Variants in ADCK2 observed in about 807,000 individuals in gnomAD.
ADCK2 encodes the protein aarF domain containing kinase 2.
ADCK2 carries 37 observed loss-of-function variants against 52.3 expected under a neutral mutation model. The observed-to-expected ratio is 0.71, with a 90% CI of 0.54 to 0.93. ADCK2 has a LOEUF of 0.93. Ranked by LOEUF, ADCK2 falls within the 40% of genes least tolerant of loss-of-function variation. ADCK2 has a pLI of 0.00. For synonymous variants in ADCK2, 321 were observed against 349.2 expected (o/e 0.92, Z 0.90); for missense variants, 695 against 798.7 (o/e 0.87, Z 1.56).
intron 3 of ADCK2, among the ~76,000 whole-genome samples, chr7:140,679,901 T>C (rs1794487355): frequency 6.6e-6 from 1 of 151,852 alleles, no homozygotes; most frequent in South Asian, 2.1e-4. Flanking sequence ...CTGGAACTCC[T>C]GACCTCAAGT....
intron 4 of ADCK2, among the ~76,000 whole-genome samples, chr7:140,685,128 A>G (rs992241910): frequency 1.1e-4 from 16 of 152,140 alleles, no homozygotes; most frequent in Non-Finnish European, 1.6e-4. Flanking sequence ...AAGTGCATAG[A>G]TCTTAAATTA....
rs1585851623 is a variant in ADCK2, at chr7:140,687,083, C to G, written c.1399C>G (p.Leu467Val). The G allele has an allele frequency of 6.2e-7, 1 of 1,614,030 alleles. No homozygotes were observed. The highest frequency in any genetic ancestry group is 8.5e-7 in the Non-Finnish European group (1 of 1,180,050). Residue 467 changes from leucine to valine, a missense_variant, in exon 5 of 8, where the codon CTG becomes GTG. Physicochemically the swap from Leu to Val is conservative, Grantham distance 32. Transcript: ENST00000072869. ...CCTGTCCTCGAGTCAGGAGGCGCAG[C>G]TGCAGCAGGCGGACATCTGTGACAC... Reference protein sequence around the residue: ...NGLSSSQEAQLQQADICDTLV... With the variant: ...NGLSSSQEAQVQQADICDTLV...
chr7:140,680,345 G>A (rs535530192), intron 3 of ADCK2, among the ~76,000 whole-genome samples: 2 of 152,062 alleles, frequency 1.3e-5, no homozygotes, highest in Admixed American at 6.6e-5. Flanking sequence ...TAGAGCCTGG[G>A]TTTCTCCCTG....
Position 140,689,596 on chromosome 7 carries a change from G to A in ADCK2, c.1558-1G>A, listed in dbSNP as rs1256992607. 1 of 1,594,232 alleles carries A rather than the reference G, an allele frequency of 6.3e-7. No homozygotes were observed. Among genetic ancestry groups the A allele is most frequent in the Non-Finnish European group, 8.6e-7 (1 of 1,167,870 alleles). On this transcript the variant is annotated splice_acceptor_variant, in intron 5 of 7. Coordinates refer to ENST00000072869, the MANE Select transcript of ADCK2 (RefSeq NM_052853.4). LOFTEE classifies it high-confidence loss of function. ...AGTCCCTTTTCCGTTGCATTTTCCA[G>A]GGCCAGAGAGTGGCTGAGCTGATCC...
chr7:140,680,934 G>C, intron 3 of ADCK2, 108 bp from the exon 4 acceptor site: 1 of 940,196 alleles, frequency 1.1e-6, no homozygotes, highest in Non-Finnish European at 1.7e-6. Flanking sequence ...TACTCTTTGG[G>C]TTACTTCCCA....
At chr7:140,681,959 G>A (rs574241783) in intron 4 of ADCK2, among the ~76,000 whole-genome samples, 55 of 152,198 alleles carry the variant, frequency 3.6e-4, no homozygotes, top group Non-Finnish European at 6.5e-4. Flanking sequence ...TCTGTGTGCT[G>A]TGAGAAGAAG....
intron 3 of ADCK2, 29 bp downstream of exon 3, chr7:140,679,312 C>T: frequency 6.2e-7 from 1 of 1,611,548 alleles, no homozygotes; most frequent in Non-Finnish European, 8.5e-7. Flanking sequence ...CCTGGCCATA[C>T]CTTTCACTTG....
chr7:140,674,297 C>A lies in ADCK2; in HGVS notation c.933+34C>A. 6.4e-7 allele frequency: 1 copy of A among 1,566,570 alleles called. No homozygotes were observed. ...TGTGAGAGCTCACAGCTCACCTACC[C>A]ACTGAGCTATCCCAGATCAGAAACA... On this transcript the variant is annotated intron_variant, in intron 1 of 7. Transcript: ENST00000072869. The surrounding 1 kb of genome is among the most constrained non-coding windows in gnomAD (Gnocchi z 4.6).
At chr7:140,689,490 T>C (rs1794666813) in intron 5 of ADCK2, 107 bp from the exon 6 acceptor site, 2 of 1,378,134 alleles carry the variant, frequency 1.5e-6, no homozygotes, top group Non-Finnish European at 2.0e-6. Context: ...AAAAGCAAGA[T>C]GCCAGAAAAG....
intron 4 of ADCK2, among the ~76,000 whole-genome samples, chr7:140,682,461 T>TGAGGCTGAGGAGGTGAGAG (rs1794533036): frequency 6.6e-6 from 1 of 152,066 alleles, no homozygotes; most frequent in African/African-American, 2.4e-5. Flanking sequence ...CAGTGATTGC[T>TGAGGCTGAGGAGGTGAGAG]GAGGCTGAGG....
intron 5 of ADCK2, 128 bp from the exon 6 acceptor site, chr7:140,689,469 G>A: frequency 8.5e-7 from 1 of 1,177,106 alleles, no homozygotes. Context: ...ACAGCCCGAG[G>A]AGGAAGAGCC....
chr7:140,684,249 G>C (rs555676539), intron 4 of ADCK2, among the ~76,000 whole-genome samples: 1 of 152,142 alleles, frequency 6.6e-6, no homozygotes. Flanking sequence ...AACCTTTGTC[G>C]TCAGGCTTCT....
Position 140,673,578 on chromosome 7 carries a change from G to A in ADCK2, c.248G>A (p.Ser83Asn), listed in dbSNP as rs1159810072. Residue 83 changes from serine (S) to asparagine (N), a missense_variant, in exon 1 of 8, where the codon AGC (serine) becomes AAC (asparagine). Transcript: ENST00000072869. This position sits in a 1 kb window ranked among gnomAD's most constrained non-coding sequence, Gnocchi z 6.4. The stretch of plus-strand genomic sequence containing the variant: ...GCGGCTGGCGCGGGGCCCGCGGAGA[G>A]CCTCCCCCGAGCGGGACCTCTGGGC... Reference protein sequence around the residue: ...SGAAGAGPAESLPRAGPLGGV... With the variant: ...SGAAGAGPAENLPRAGPLGGV... The A allele has an allele frequency of 1.2e-6, 2 of 1,603,714 alleles. No homozygotes were observed. The highest frequency in any genetic ancestry group is 2.2e-5 in the South Asian group (2 of 90,760).
intron 7 of ADCK2, among the ~76,000 whole-genome samples, chr7:140,691,284 C>T (rs540217626): frequency 1.3e-5 from 2 of 152,328 alleles, no homozygotes; most frequent in East Asian, 3.9e-4. Flanking sequence ...TGCTTCGTAG[C>T]TGTTAGTCTA....
chr7:140,687,349 C>T (rs1478607691), intron 5 of ADCK2, 108 bp downstream of exon 5: 13 of 1,401,442 alleles, frequency 9.3e-6, no homozygotes, highest in Admixed American at 7.9e-5. Context: ...GAAGCCTGAG[C>T]GGGGAGGATT....
chr7:140,686,963 C>A, intron 4 of ADCK2, 27 bp from the exon 5 acceptor site: 2 of 1,606,490 alleles, frequency 1.2e-6, no homozygotes, highest in Non-Finnish European at 1.7e-6. Flanking sequence ...GGGCGACTCA[C>A]TCATGAGCAT....
intron 7 of ADCK2, among the ~76,000 whole-genome samples, chr7:140,694,177 A>G (rs1039297950): frequency 6.6e-6 from 1 of 152,166 alleles, no homozygotes; most frequent in African/African-American, 2.4e-5. Context: ...TCCCAGTCTC[A>G]GGAGGCTGAG....
chr7:140,676,886 G>T (rs1406588930), intron 2 of ADCK2, among the ~76,000 whole-genome samples: 1 of 152,108 alleles, frequency 6.6e-6, no homozygotes, highest in African/African-American at 2.4e-5. Flanking sequence ...ACCTAGGCGT[G>T]GTGGTGCTCA....
chr7:140,676,190 T>C (rs1227112106), intron 2 of ADCK2, among the ~76,000 whole-genome samples: 1 of 152,210 alleles, frequency 6.6e-6, no homozygotes, highest in Non-Finnish European at 1.5e-5. Context: ...TGGTTCATAA[T>C]TGGCACCTTC....
Sources: gnomAD v4.1 joint callset for allele counts (sites outside exome capture counted in the v4.1 genomes callset) on GRCh38, gnomAD v4.1.1 for gene constraint, Gnocchi (gnomAD v3.1) non-coding constraint, MANE v1.5 for transcripts, NCBI Gene and HGNC (gene_info 2026-07-23, HGNC 2026-07-21) for gene names.